The following TMEM233 variants were observed in gnomAD, a reference collection of about 807,000 sequenced individuals.
TMEM233 encodes the protein transmembrane protein 233, also known as dispanin subfamily B member 2.
In TMEM233, 6 loss-of-function variants were observed where a neutral mutation model predicts 11.2. That is an observed-to-expected ratio of 0.54 (90% CI 0.29 to 1.06). The LOEUF (loss-of-function observed/expected upper bound fraction) is 1.06. TMEM233 is among the 50% of genes least tolerant of loss of function. The pLI, the probability that TMEM233 is intolerant of heterozygous loss-of-function variation, is 0.08. For synonymous variants in TMEM233, 59 were observed against 55.8 expected (o/e 1.06, Z -0.26); for missense variants, 127 against 144.7 (o/e 0.88, Z 0.63).
chr12:119,643,527 G>A (rs781655050), downstream of TMEM233, among the ~76,000 whole-genome samples: 1 of 152,184 alleles, frequency 6.6e-6, no homozygotes, highest in Non-Finnish European at 1.5e-5. Context: ...CCAGCACTTC[G>A]GGAGGCCGAG....
intron 1 of TMEM233, among the ~76,000 whole-genome samples, chr12:119,628,979 G>A (rs554640367): frequency 6.6e-6 from 1 of 152,390 alleles, no homozygotes; most frequent in Admixed American, 6.5e-5. Flanking sequence ...GCAGCAGGCT[G>A]GATTTGGCCC....
At chr12:119,649,358 T>TA in the TMEM233 span, among the ~76,000 whole-genome samples, 1 of 151,916 alleles carries the variant, frequency 6.6e-6, no homozygotes, top group African/African-American at 2.4e-5. Flanking sequence ...AAAGAAAAGA[T>TA]AGAGACCCAA....
intron 2 of TMEM233, chr12:119,631,572 A>G (rs1485781750): frequency 1.0e-6 from 1 of 985,340 alleles, no homozygotes; most frequent in Non-Finnish European, 1.2e-6. Flanking sequence ...TGGCCCATGA[A>G]GAGGAAGATG....
At chr12:119,640,674 C>G in intron 2 of TMEM233, 25 bp from the exon 3 acceptor site, 1 of 1,549,666 alleles carries the variant, frequency 6.5e-7, no homozygotes, top group South Asian at 1.2e-5. Context: ...GTCTTTCTCT[C>G]TCTCTCTCTG....
At chr12:119,605,226 T>G (rs1485136558) in intron 1 of TMEM233, among the ~76,000 whole-genome samples, 1 of 152,042 alleles carries the variant, frequency 6.6e-6, no homozygotes, top group Non-Finnish European at 1.5e-5. Flanking sequence ...TTTTAAAGCA[T>G]TTCATATTGA....
intron 1 of TMEM233, among the ~76,000 whole-genome samples, chr12:119,603,336 G>A (rs750859336): frequency 3.3e-5 from 5 of 152,070 alleles, no homozygotes; most frequent in African/African-American, 4.8e-5. Flanking sequence ...GTCATTATCC[G>A]CCCAGATGAG....
chr12:119,651,267 C>T, the TMEM233 span, among the ~76,000 whole-genome samples: 1 of 152,204 alleles, frequency 6.6e-6, no homozygotes, highest in East Asian at 1.9e-4. Context: ...CTTTGTCCAC[C>T]TTTGTGTATT....
chr12:119,601,078 A>G lies in TMEM233; in HGVS notation c.186+7044A>G, dbSNP rs1024017294. On this transcript the variant is annotated intron_variant, in intron 1 of 2. Transcript: ENST00000426426. ...ATCTAACATCTAAAAGGAAAGTTCC[A>G]CAAAAAGGAAAGGACAAAGAGAATT... 2.0e-5 allele frequency among the ~76,000 whole-genome samples: 3 copies of G among 152,230 alleles called. No homozygotes were observed. The South Asian group carries it at 6.2e-4, about 31-fold the overall frequency.
chr12:119,594,274 C>T lies in TMEM233; in HGVS notation c.186+240C>T. The stretch of plus-strand genomic sequence containing the variant: ...GAGCCCTGATCAAGCTTCCCCCAGG[C>T]TAGCTTTCCTCTTCTTTCCAGCTCC... On this transcript the variant is annotated intron_variant, in intron 1 of 2. Coordinates refer to ENST00000426426, the MANE Select transcript of TMEM233 (RefSeq NM_001136534.3). This position sits in a 1 kb window ranked among gnomAD's most constrained non-coding sequence, Gnocchi z 5.6. The T allele has an allele frequency of 2.0e-6, 1 of 493,956 alleles. No homozygotes were observed. The highest frequency in any genetic ancestry group is 3.6e-6 in the Non-Finnish European group (1 of 279,534). The allele number at this position is 493,956 out of a possible 1,614,324, so 30.6% of individuals were successfully genotyped here.
At chr12:119,644,860 T>C (rs1029019402), downstream of TMEM233, among the ~76,000 whole-genome samples, 10 of 152,286 alleles carry the variant, frequency 6.6e-5, no homozygotes, top group African/African-American at 2.4e-4. Flanking sequence ...GAGCACCTGC[T>C]CAACCACAGA....
At chr12:119,605,296 T>C (rs1355028562) in intron 1 of TMEM233, among the ~76,000 whole-genome samples, 1 of 152,076 alleles carries the variant, frequency 6.6e-6, no homozygotes, top group Non-Finnish European at 1.5e-5. Flanking sequence ...GCTCTCCTCC[T>C]TATTTATCCT....
At chr12:119,644,774 C>T (rs1348778363), downstream of TMEM233, among the ~76,000 whole-genome samples, 1 of 152,184 alleles carries the variant, frequency 6.6e-6, no homozygotes, top group Non-Finnish European at 1.5e-5. Context: ...CCACCACACC[C>T]AGCCTCCTCA....
At chr12:119,603,043 G>A (rs978292471) in intron 1 of TMEM233, among the ~76,000 whole-genome samples, 10 of 152,158 alleles carry the variant, frequency 6.6e-5, no homozygotes, top group African/African-American at 1.7e-4. Context: ...CCACCTGAGT[G>A]CAGAAGCTCG....
chr12:119,615,289 T>G (rs762541446), intron 1 of TMEM233, among the ~76,000 whole-genome samples: 1 of 151,684 alleles, frequency 6.6e-6, no homozygotes, highest in Non-Finnish European at 1.5e-5. Context: ...ATTTTTTATC[T>G]CCACCAGAAA....
At chr12:119,644,169 T>C (rs1384354674), downstream of TMEM233, among the ~76,000 whole-genome samples, 1 of 152,310 alleles carries the variant, frequency 6.6e-6, no homozygotes, top group East Asian at 1.9e-4. Context: ...GTGGCCACTG[T>C]ACCAACATAA....
At chr12:119,597,506 T>C (rs1276539199) in intron 1 of TMEM233, among the ~76,000 whole-genome samples, 1 of 149,562 alleles carries the variant, frequency 6.7e-6, no homozygotes, top group Non-Finnish European at 1.5e-5. Context: ...AAACAATCAA[T>C]GCTTAAATAT....
At position 119,595,753 on chromosome 12, in the gene TMEM233, T is replaced by C. The variant is rs1954033097; in HGVS notation, c.186+1719T>C. On this transcript the variant is annotated intron_variant, in intron 1 of 2. Transcript: ENST00000426426. This position sits in a 1 kb window ranked among gnomAD's most constrained non-coding sequence, Gnocchi z 4.3. ...CATGAGGCCTTCTGTGATTACTGTT[T>C]AAAATCAGGACCCCCATCCACCCAC... 6.6e-6 allele frequency among the ~76,000 whole-genome samples: 1 copy of C among 152,310 alleles called. No homozygotes were observed. The highest frequency in any genetic ancestry group is 2.1e-4 in the South Asian group (1 of 4,824).
intron 1 of TMEM233, among the ~76,000 whole-genome samples, chr12:119,625,369 T>TCTTC (rs1555266671): frequency 2.8e-5 from 4 of 140,784 alleles, no homozygotes; most frequent in Non-Finnish European, 4.7e-5. Flanking sequence ...AACTTCTTCT[T>TCTTC]TTTTTTTTTT....
intron 2 of TMEM233, among the ~76,000 whole-genome samples, chr12:119,638,549 G>A (rs1213954656): frequency 6.6e-6 from 1 of 152,228 alleles, no homozygotes; most frequent in Non-Finnish European, 1.5e-5. Context: ...AACAGGGCCA[G>A]GAATTGGTAG....
Sources: gnomAD v4.1 joint callset for allele counts (sites outside exome capture counted in the v4.1 genomes callset) on GRCh38, gnomAD v4.1.1 for gene constraint, Gnocchi (gnomAD v3.1) non-coding constraint, MANE v1.5 for transcripts, NCBI Gene and HGNC (gene_info 2026-07-23, HGNC 2026-07-21) for gene names.